BLACAT1: variants seen among roughly 807,000 people sequenced by gnomAD.
BLACAT1 encodes the protein BLACAT1 overlapping LEMD1 locus.
intron 1 of BLACAT1, among the ~76,000 whole-genome samples, chr1:205,454,547 T>TGA (rs1294684839): frequency 1.7e-3 from 253 of 151,084 alleles, no homozygotes; most frequent in Middle Eastern, 3.4e-3. Context: ...TGTGTGTGTG[T>TGA]GTGAGAGAGA....
At chr1:205,454,813 C>T (rs1001595006) in intron 1 of BLACAT1, among the ~76,000 whole-genome samples, 2 of 151,966 alleles carry the variant, frequency 1.3e-5, no homozygotes, top group African/African-American at 4.8e-5. Flanking sequence ...AAAGTTAGCC[C>T]TTCTTAAGGC....
chr1:205,441,805 T>C lies in BLACAT1; in HGVS notation c.-36-743A>G, dbSNP rs1212529728. ...AAGGGTAAAGACATGGTTTCTTCCC[T>C]GGCACATAAGTCTGAGGTAGAGGCT... On this transcript the variant is annotated intron_variant, in intron 1 of 1. Transcript: ENST00000629624. This position sits in a 1 kb window ranked among gnomAD's most constrained non-coding sequence, Gnocchi z 4.3. 1.3e-5 allele frequency among the ~76,000 whole-genome samples: 2 copies of C among 152,184 alleles called. No individual in the cohort carries two copies. The highest frequency in any genetic ancestry group is 4.8e-5 in the African/African-American group (2 of 41,456).
chr1:205,455,846 G>C (rs1666556477), intron 1 of BLACAT1, 71 bp downstream of exon 1: 2 of 152,216 alleles, frequency 1.3e-5, no homozygotes, highest in Admixed American at 6.5e-5. Flanking sequence ...GCCGCACTCG[G>C]GCCCCCAACC....
At chr1:205,435,429 G>C (rs971852669), downstream of BLACAT1, 1 of 152,198 alleles carries the variant, frequency 6.6e-6, no homozygotes, top group Non-Finnish European at 1.5e-5. Flanking sequence ...ATCTTGAGTA[G>C]GGGTGAGGAG....
At chr1:205,452,235 G>T (rs1343658255) in intron 1 of BLACAT1, among the ~76,000 whole-genome samples, 1 of 152,160 alleles carries the variant, frequency 6.6e-6, no homozygotes, top group Non-Finnish European at 1.5e-5. Context: ...TTTTTAGGGA[G>T]CCCCCAGTCC....
At chr1:205,449,354 C>A (rs1320850787) in intron 1 of BLACAT1, among the ~76,000 whole-genome samples, 2 of 152,120 alleles carry the variant, frequency 1.3e-5, no homozygotes, top group Non-Finnish European at 2.9e-5. Flanking sequence ...CTAGCCCAGG[C>A]TCAGGAAAGC....
At chr1:205,442,048 C>T (rs1666304203) in intron 1 of BLACAT1, among the ~76,000 whole-genome samples, 1 of 152,196 alleles carries the variant, frequency 6.6e-6, no homozygotes, top group South Asian at 2.1e-4. Context: ...CAGTTCACCT[C>T]TCTGCCCTTC....
intron 1 of BLACAT1, among the ~76,000 whole-genome samples, chr1:205,444,887 C>T (rs1666356768): frequency 6.6e-6 from 1 of 151,632 alleles, no homozygotes; most frequent in Non-Finnish European, 1.5e-5. Context: ...ACCTTAACTC[C>T]CCGCCACCCC....
chr1:205,453,247 CCCAGCAGGCTCCCACATACATTGTCCT>C (rs1370843742), intron 1 of BLACAT1, among the ~76,000 whole-genome samples: 1 of 152,162 alleles, frequency 6.6e-6, no homozygotes, highest in African/African-American at 2.4e-5. Flanking sequence ...TGAAGATGGA[CCCAGCAGGCTCCCACATACATTGTCCT>C]CCAGACCTGC....
rs1379406874 is a variant in BLACAT1 at position 205,441,704 on chromosome 1, CAA to C, written c.-36-644_-36-643del. On this transcript the variant is annotated intron_variant, in intron 1 of 1. Transcript: ENST00000629624. The surrounding 1 kb of genome is among the most constrained non-coding windows in gnomAD (Gnocchi z 4.3). The stretch of plus-strand genomic sequence containing the variant: ...TCCTCACCATGCAGAGAAGAGACAG[CAA>C]AGAGGGTTCTTTTAGCCAACAGGCT... Among the ~76,000 whole-genome samples the C allele has an allele frequency of 2.0e-5, 3 of 152,226 alleles. No individual in the cohort carries two copies. The highest frequency in any genetic ancestry group is 6.5e-5 in the Admixed American group (1 of 15,290).
At chr1:205,447,411 A>G (rs1666411315) in intron 1 of BLACAT1, among the ~76,000 whole-genome samples, 1 of 152,168 alleles carries the variant, frequency 6.6e-6, no homozygotes, top group African/African-American at 2.4e-5. Flanking sequence ...CTGATTGTCA[A>G]TACCAAATCT....
chr1:205,446,533 G>A (rs1248258628), intron 1 of BLACAT1, among the ~76,000 whole-genome samples: 1 of 152,240 alleles, frequency 6.6e-6, no homozygotes, highest in Non-Finnish European at 1.5e-5. Context: ...CAGTGCTGGG[G>A]ACTACCCGGG....
chr1:205,445,419 G>A (rs755950683), intron 1 of BLACAT1, among the ~76,000 whole-genome samples: 6 of 152,234 alleles, frequency 3.9e-5, no homozygotes, highest in Non-Finnish European at 7.3e-5. Flanking sequence ...TCTCCTTGGA[G>A]GTTAACTCCT....
exon 2 of BLACAT1, among the ~76,000 whole-genome samples, chr1:205,440,000 G>A (rs1666266494): frequency 6.6e-6 from 1 of 152,100 alleles, no homozygotes. Context: ...GAAGGTCCTA[G>A]AGGTCCCCCC....
chr1:205,456,021 G>A (rs950576513), exon 1 of BLACAT1: 1 of 151,724 alleles, frequency 6.6e-6, no homozygotes, highest in East Asian at 1.9e-4. Context: ...CTCCTTGTCC[G>A]ATTCTCTGCT....
chr1:205,435,607 A>G (rs1381927225), downstream of BLACAT1: 1 of 152,250 alleles, frequency 6.6e-6, no homozygotes, highest in East Asian at 1.9e-4. Context: ...AAATTTAATT[A>G]TCTATCCCCT....
intron 1 of BLACAT1, among the ~76,000 whole-genome samples, chr1:205,446,518 G>A (rs376633282): frequency 1.3e-5 from 2 of 152,350 alleles, no homozygotes; most frequent in Admixed American, 6.5e-5. Context: ...CTCCTAGGCT[G>A]AGCCCAGTGC....
In BLACAT1 at chr1:205,448,518, T is replaced by C. The variant is rs566934477; in HGVS notation, c.-37+7399A>G. The C allele has an allele frequency of 7.3e-4, 292 of 399,352 alleles. 1 individual carries two copies. The highest frequency in any genetic ancestry group is 2.7e-3 in the South Asian group (148 of 55,138). The allele number at this position is 399,352 out of a possible 1,614,324, so 24.7% of individuals were successfully genotyped here. On this transcript the variant is annotated intron_variant, in intron 1 of 1. Coordinates refer to ENST00000629624, the Ensembl canonical transcript of BLACAT1. This position sits in a 1 kb window ranked among gnomAD's most constrained non-coding sequence, Gnocchi z 4.7. The stretch of plus-strand genomic sequence containing the variant: ...CACCCACACTGCCTCCCTCCAGGAC[T>C]GGGCCCCCCAGGTTAAATTCTCTCA...
At chr1:205,442,573 C>T (rs548692434) in intron 1 of BLACAT1, among the ~76,000 whole-genome samples, 39 of 152,284 alleles carry the variant, frequency 2.6e-4, no homozygotes, top group Middle Eastern at 3.4e-3. Flanking sequence ...CTCAGCGTCC[C>T]GGTAATACAG....
Sources: allele counts gnomAD v4.1 joint callset (sites outside exome capture counted in the v4.1 genomes callset), GRCh38; gene constraint gnomAD v4.1.1; non-coding constraint Gnocchi (gnomAD v3.1); transcripts MANE v1.5; gene names NCBI Gene and HGNC (gene_info 2026-07-23, HGNC 2026-07-21).